The following ABCB4 variants were observed in gnomAD, a reference collection of about 807,000 sequenced individuals.
ABCB4 encodes the protein ATP binding cassette subfamily B member 4, also known as phosphatidylcholine translocator ABCB4.
A neutral mutation model predicts 145.7 loss-of-function variants in ABCB4; 76 were observed. The observed-to-expected ratio is 0.52, with a 90% CI of 0.43 to 0.63. The LOEUF (loss-of-function observed/expected upper bound fraction) is 0.63. Ranked by LOEUF, ABCB4 falls within the 30% of genes least tolerant of loss-of-function variation. The pLI, the probability that ABCB4 is intolerant of heterozygous loss-of-function variation, is 0.00. For synonymous variants in ABCB4, 517 were observed against 566.8 expected (o/e 0.91, Z 1.25); for missense variants, 1,234 against 1,553.1 (o/e 0.79, Z 3.45).
chr7:87,372,438 T>C, the ABCB4 span, among the ~76,000 whole-genome samples: 1 of 152,222 alleles, frequency 6.6e-6, no homozygotes, highest in Non-Finnish European at 1.5e-5. Flanking sequence ...AATTATTAGA[T>C]CAGGCTTATT....
At position 87,439,531 on chromosome 7, in the gene ABCB4, G is replaced by T. The variant is rs1045344626; in HGVS notation, c.1731+136C>A. 12 of 1,068,000 alleles carry T rather than the reference G, an allele frequency of 1.1e-5. No homozygotes were observed. The African/African-American group carries it at 1.2e-4, about 11-fold the overall frequency. The allele number at this position is 1,068,000 out of a possible 1,614,324, so 66.2% of individuals were successfully genotyped here. A position where few individuals can be genotyped will look rare whatever the true frequency, so the allele number is the denominator to read the frequency against. ...TGAAGACAATGTAACCTGACAGAAAGGAGAAATCAATACAGCTCCATGAGG... is the reference window on the plus strand; with the variant it reads ...TGAAGACAATGTAACCTGACAGAAATGAGAAATCAATACAGCTCCATGAGG... On this transcript the variant is annotated intron_variant, in intron 14 of 27. Coordinates refer to ENST00000649586, the MANE Select transcript of ABCB4 (RefSeq NM_000443.4).
At chr7:87,375,336 A>C in the ABCB4 span, 1 of 264,504 alleles carries the variant, frequency 3.8e-6, no homozygotes, top group Non-Finnish European at 7.3e-6. Flanking sequence ...AAGGATATTT[A>C]CTTGCAACCT....
chr7:87,421,204 C>T (rs1372525258), intron 18 of ABCB4, among the ~76,000 whole-genome samples: 2 of 152,134 alleles, frequency 1.3e-5, no homozygotes, highest in East Asian at 1.9e-4. Flanking sequence ...TTGGGGTAGC[C>T]GTGCCGAGGG....
At chr7:87,422,911 G>A (rs577864175) in intron 17 of ABCB4, among the ~76,000 whole-genome samples, 13 of 152,288 alleles carry the variant, frequency 8.5e-5, no homozygotes, top group African/African-American at 2.9e-4. Flanking sequence ...GTTTATTTGT[G>A]TACCACTGTA....
intron 26 of ABCB4, among the ~76,000 whole-genome samples, chr7:87,405,496 G>C (rs1477166845): frequency 7.0e-6 from 1 of 141,968 alleles, no homozygotes; most frequent in Non-Finnish European, 1.5e-5. Flanking sequence ...GTGTGATCTT[G>C]GATCACTTTA....
At chr7:87,371,980 C>G in the ABCB4 span, among the ~76,000 whole-genome samples, 5 of 114,432 alleles carry the variant, frequency 4.4e-5, no homozygotes, top group East Asian at 1.2e-3. Flanking sequence ...GGTGACAGAG[C>G]AAGACGCTGT....
At chr7:87,456,063 C>A (rs60040620) in intron 4 of ABCB4, among the ~76,000 whole-genome samples, 40,565 of 151,942 alleles carry the variant, frequency 0.27, 6,573 homozygotes, top group African/African-American at 0.46. Context: ...TTATCAGTTC[C>A]TTTCTGTGTG....
At chr7:87,428,583 A>G (rs1195187068) in intron 15 of ABCB4, among the ~76,000 whole-genome samples, 2 of 152,216 alleles carry the variant, frequency 1.3e-5, no homozygotes, top group African/African-American at 2.4e-5. Context: ...GGAACAAAGC[A>G]GGAAAAAAAA....
chr7:87,372,825 A>G, the ABCB4 span, among the ~76,000 whole-genome samples: 1,224 of 152,186 alleles, frequency 8.0e-3, 25 homozygotes, highest in African/African-American at 0.028. Context: ...TATTTTACAG[A>G]TATGCCACAT....
intron 3 of ABCB4, among the ~76,000 whole-genome samples, chr7:87,463,580 T>C (rs1812614994): frequency 6.6e-6 from 1 of 152,116 alleles, no homozygotes; most frequent in Non-Finnish European, 1.5e-5. Flanking sequence ...TCGGCGAGTG[T>C]AAAAGAAGTA....
Position 87,449,753 on chromosome 7 carries a change from T to C in ABCB4, c.833+215A>G, listed in dbSNP as rs1558375. ...TAAAAACAAGGGAGTCCATTTGTAT[T>C]ATCACATAGCCAAAAGAGTCCATGG... On this transcript the variant is annotated intron_variant, in intron 8 of 27. Transcript: ENST00000649586. Among the ~76,000 whole-genome samples the C allele has an allele frequency of 0.27, 40,366 of 152,054 alleles. 6,524 individuals carry two copies. Among genetic ancestry groups the C allele is most frequent in the African/African-American group, 0.46 (19,105 of 41,466 alleles).
In ABCB4 at chr7:87,475,429, G is replaced by A. The variant is rs753551693; in HGVS notation, c.37C>T (p.Arg13Cys). 1.7e-5 allele frequency: 28 copies of A among 1,614,098 alleles called. No individual in the cohort carries two copies. In the South Asian group the frequency reaches 2.9e-4, roughly 16 times the overall value. Reference sequence around the variant, plus strand: ...AAGTCGCCCTCCGCGCTCGTGGGGCGCCAGGCTGTTCCGTTCTTTGCCGCC... The same window carrying A: ...AAGTCGCCCTCCGCGCTCGTGGGGCACCAGGCTGTTCCGTTCTTTGCCGCC... ...LEAAKNGTAWRPTSAEGDFEL... is the reference protein window; with the variant it reads ...LEAAKNGTAWCPTSAEGDFEL... Residue 13 changes from arginine (R) to cysteine (C), a missense_variant, in exon 2 of 28, where the codon CGC becomes TGC. Arg to Cys is a radical substitution (Grantham distance 180, BLOSUM62 -3). Transcript: ENST00000649586.
In ABCB4 at chr7:87,408,163, C is replaced by A. The variant is rs1482501737; in HGVS notation, c.3153G>T (p.Val1051=). The A allele has an allele frequency of 6.2e-7, 1 of 1,614,254 alleles. No individual in the cohort carries two copies. The highest frequency in any genetic ancestry group is 1.7e-5 in the Admixed American group (1 of 60,032). Reference sequence around the variant, plus strand: ...TCACCTCCAGGCTCAGCCCCTGAAGCACTGGCACGTTTGCTCGGGTGGGAT... The same window carrying A: ...TCACCTCCAGGCTCAGCCCCTGAAGAACTGGCACGTTTGCTCGGGTGGGAT... The part of the protein sequence containing the change: ...FNYPTRANVP[V]LQGLSLEVKK... The change falls in exon 25 of 28, where the codon GTG becomes GTT. Residue 1051 remains valine, a synonymous_variant. Coordinates refer to ENST00000649586, the MANE Select transcript of ABCB4 (RefSeq NM_000443.4).
chr7:87,426,801 A>C lies in ABCB4; in HGVS notation c.2013T>G (p.Leu671=). ...TCTTCTGACACATTTGTGAATTTTT[A>C]AGGTTTTTCTGAGTAGAATGCCTAA... ...RLFRHSTQKN[L]KNSQMCQKSL... is the part of the protein sequence containing the mutation. The change falls in exon 16 of 28, where the codon CTT becomes CTG. Residue 671 remains leucine, a synonymous_variant. Coordinates refer to ENST00000649586, the MANE Select transcript of ABCB4 (RefSeq NM_000443.4). 6.2e-7 allele frequency: 1 copy of C among 1,613,998 alleles called. No homozygotes were observed. Among genetic ancestry groups the C allele is most frequent in the Non-Finnish European group, 8.5e-7 (1 of 1,179,932 alleles).
the ABCB4 span, among the ~76,000 whole-genome samples, chr7:87,396,200 G>A: frequency 6.6e-6 from 1 of 152,116 alleles, no homozygotes; most frequent in South Asian, 2.1e-4. Flanking sequence ...AGGCCAAGGT[G>A]GGAAGATTGC....
At chr7:87,392,537 A>G in the ABCB4 span, 3 of 1,584,980 alleles carry the variant, frequency 1.9e-6, no homozygotes, top group Non-Finnish European at 2.6e-6. Context: ...ACAGTGTGTT[A>G]TTGAAGTGTC....
At chr7:87,412,493 C>T (rs779795118) in intron 22 of ABCB4, among the ~76,000 whole-genome samples, 16 of 152,210 alleles carry the variant, frequency 1.1e-4, no homozygotes, top group Middle Eastern at 3.4e-3. Flanking sequence ...AGTTGAGTCC[C>T]TGAAGTTTAC....
chr7:87,475,682 C>T, upstream of ABCB4: 2 of 593,370 alleles, frequency 3.4e-6, no homozygotes, highest in South Asian at 1.9e-5. Context: ...GCGGGCGCTG[C>T]AGCAGAGGGG....
chr7:87,451,864 C>A (rs1189739884), intron 6 of ABCB4, 70 bp from the exon 7 acceptor site: 6 of 1,462,096 alleles, frequency 4.1e-6, no homozygotes, highest in Non-Finnish European at 5.8e-6. Flanking sequence ...AGACATCCAA[C>A]AAACACATAG....
Sources: gnomAD v4.1 joint callset for allele counts (sites outside exome capture counted in the v4.1 genomes callset) on GRCh38, gnomAD v4.1.1 for gene constraint, MANE v1.5 for transcripts, NCBI Gene and HGNC (gene_info 2026-07-23, HGNC 2026-07-21) for gene names.